SNTB1: variants seen among roughly 807,000 people sequenced by gnomAD.
The protein encoded by SNTB1 is beta-1-syntrophin.
Under a neutral mutation model 48.9 loss-of-function variants are expected in SNTB1, and 36 were observed. The observed-to-expected ratio is 0.74, with a 90% CI of 0.56 to 0.97. SNTB1 has a LOEUF of 0.97. SNTB1 is among the 50% of genes least tolerant of loss of function. The pLI is 0.00. For synonymous variants in SNTB1, 299 were observed against 294.6 expected, an observed-to-expected ratio of 1.01 and a Z score of -0.15; for missense variants, 786 against 703.4, an observed-to-expected ratio of 1.12 and a Z score of -1.33.
At chr8:120,718,885 A>G (rs4870747) in intron 1 of SNTB1, among the ~76,000 whole-genome samples, 54,444 of 152,038 alleles carry the variant, frequency 0.36, 11,671 homozygotes, top group East Asian at 0.69. Flanking sequence ...CAAAAAGGAA[A>G]GATGCTGTCT....
At chr8:120,735,107 G>A (rs952304014) in intron 1 of SNTB1, among the ~76,000 whole-genome samples, 48 of 152,318 alleles carry the variant, frequency 3.2e-4, no homozygotes, top group Middle Eastern at 3.4e-3. Context: ...TGGTGCAAGA[G>A]GGCTGTAGCA....
At chr8:120,712,589 A>T (rs1229119567) in intron 1 of SNTB1, among the ~76,000 whole-genome samples, 1 of 152,156 alleles carries the variant, frequency 6.6e-6, no homozygotes, top group Non-Finnish European at 1.5e-5. Flanking sequence ...TTAATTATGT[A>T]GCAACTTAGA....
intron 3 of SNTB1, among the ~76,000 whole-genome samples, chr8:120,581,088 C>CAAA (rs775547135): frequency 7.1e-4 from 64 of 89,968 alleles, no homozygotes; most frequent in African/African-American, 2.2e-3. Context: ...GACCCTGTCT[C>CAAA]AAAAAAAAAA....
intron 1 of SNTB1, among the ~76,000 whole-genome samples, chr8:120,696,384 T>C (rs1425287991): frequency 6.6e-6 from 1 of 152,154 alleles, no homozygotes; most frequent in Non-Finnish European, 1.5e-5. Flanking sequence ...TTTATTGCAA[T>C]TCCATAGAAA....
chr8:120,649,983 C>A (rs998822503), intron 2 of SNTB1, among the ~76,000 whole-genome samples: 3 of 152,212 alleles, frequency 2.0e-5, no homozygotes, highest in Non-Finnish European at 4.4e-5. Flanking sequence ...CTCCCTGACC[C>A]CTTGCACTTC....
At chr8:120,681,373 G>A (rs960633747) in intron 2 of SNTB1, among the ~76,000 whole-genome samples, 32 of 152,144 alleles carry the variant, frequency 2.1e-4, no homozygotes, top group African/African-American at 7.5e-4. Context: ...GATGGAGCTG[G>A]GTTACTGACT....
At chr8:120,584,645 T>C (rs908464697) in intron 3 of SNTB1, among the ~76,000 whole-genome samples, 1 of 152,088 alleles carries the variant, frequency 6.6e-6, no homozygotes, top group African/African-American at 2.4e-5. Flanking sequence ...ATGAGCCTTA[T>C]TGTGGGTTAA....
intron 1 of SNTB1, among the ~76,000 whole-genome samples, chr8:120,801,348 A>G (rs570919820): frequency 2.0e-5 from 3 of 152,176 alleles, no homozygotes; most frequent in Non-Finnish European, 2.9e-5. Context: ...AGATATCCGT[A>G]ATGGCTTCTC....
intron 2 of SNTB1, among the ~76,000 whole-genome samples, chr8:120,636,653 T>C (rs1234474114): frequency 6.6e-6 from 1 of 151,132 alleles, no homozygotes; most frequent in African/African-American, 2.4e-5. Flanking sequence ...TGTTGGACAT[T>C]TGGGTTGGTT....
At chr8:120,706,119 T>G (rs1007687804) in intron 1 of SNTB1, among the ~76,000 whole-genome samples, 3 of 152,204 alleles carry the variant, frequency 2.0e-5, no homozygotes, top group Non-Finnish European at 4.4e-5. Flanking sequence ...TAGCACAAGC[T>G]TATCACTCAA....
chr8:120,656,528 G>A (rs957158625), intron 2 of SNTB1, among the ~76,000 whole-genome samples: 1 of 152,120 alleles, frequency 6.6e-6, no homozygotes, highest in Admixed American at 6.6e-5. Context: ...AAAATATTCT[G>A]TGGTTTTATC....
At chr8:120,641,471 T>G (rs1459147692) in intron 2 of SNTB1, among the ~76,000 whole-genome samples, 1 of 152,120 alleles carries the variant, frequency 6.6e-6, no homozygotes, top group Non-Finnish European at 1.5e-5. Context: ...CAAACAAAAG[T>G]GATGCCAGCA....
In SNTB1 at chr8:120,811,539, A is replaced by C; in HGVS notation, c.305T>G (p.Val102Gly). 1 of 1,607,216 alleles carries C rather than the reference A, an allele frequency of 6.2e-7. No individual in the cohort carries two copies. The highest frequency in any genetic ancestry group is 8.5e-7 in the Non-Finnish European group (1 of 1,176,876). ...RTAFTDLPEQ[V>G]PESISNQKRG... is the part of the protein sequence containing the mutation. Reference sequence around the variant, plus strand: ...CTTCTGGTTCGAGATGGACTCGGGCACCTGCTCGGGCAGGTCGGTGAAAGC... The same window carrying C: ...CTTCTGGTTCGAGATGGACTCGGGCCCCTGCTCGGGCAGGTCGGTGAAAGC... The change falls in exon 1 of 7, where the codon GTG (valine) becomes GGG (glycine). Residue 102 changes from valine (V) to glycine (G), a missense_variant. Transcript: ENST00000517992.
chr8:120,606,939 G>A (rs1160323358), intron 3 of SNTB1, among the ~76,000 whole-genome samples: 1 of 152,066 alleles, frequency 6.6e-6, no homozygotes, highest in Admixed American at 6.6e-5. Flanking sequence ...CATCAATCCA[G>A]CAAGAGAATT....
intron 1 of SNTB1, chr8:120,775,639 G>T (rs952201627): frequency 6.6e-6 from 1 of 150,540 alleles, no homozygotes. Flanking sequence ...ATGAAAGAAG[G>T]AAGGAAGGAA....
chr8:120,615,566 T>C (rs1003148582), intron 3 of SNTB1, among the ~76,000 whole-genome samples: 11 of 152,226 alleles, frequency 7.2e-5, no homozygotes, highest in Non-Finnish European at 1.5e-4. Flanking sequence ...GAAGAATTTA[T>C]TGGATTTACC....
intron 3 of SNTB1, among the ~76,000 whole-genome samples, chr8:120,598,774 GC>G (rs1816370155): frequency 1.3e-5 from 2 of 152,180 alleles, no homozygotes; most frequent in South Asian, 4.1e-4. Context: ...CTAGGGGAGA[GC>G]CCTTTGCTTT....
At chr8:120,579,690 G>C (rs560272272) in intron 3 of SNTB1, among the ~76,000 whole-genome samples, 3 of 144,692 alleles carry the variant, frequency 2.1e-5, no homozygotes, top group African/African-American at 7.7e-5. Context: ...AAAAAGAAAA[G>C]AAAACAAACA....
chr8:120,775,653 A>G (rs1819719466), intron 1 of SNTB1: 1 of 149,916 alleles, frequency 6.7e-6, no homozygotes. Flanking sequence ...GAAGGAAAGA[A>G]AGGAAGGAAG....
Sources: gnomAD v4.1 joint callset for allele counts (sites outside exome capture counted in the v4.1 genomes callset) on GRCh38, gnomAD v4.1.1 for gene constraint, MANE v1.5 for transcripts, NCBI Gene and HGNC (gene_info 2026-07-23, HGNC 2026-07-21) for gene names.